KALRN: variants seen among roughly 807,000 people sequenced by gnomAD.
KALRN encodes the protein kalirin.
A neutral mutation model predicts 353.7 loss-of-function variants in KALRN; 70 were observed. That is an observed-to-expected ratio of 0.20 (90% CI 0.16 to 0.24). The LOEUF is 0.24. KALRN is among the 10% of genes least tolerant of loss of function. The pLI is 1.00. For missense variants in KALRN, 2,791 were observed against 3,756.7 expected (o/e 0.74, Z 6.72); for synonymous variants, 1,391 against 1,434.8 (o/e 0.97, Z 0.69).
intron 36 of KALRN, 124 bp from the exon 37 acceptor site, chr3:124,637,084 C>T (rs1440698062): frequency 1.7e-5 from 13 of 760,374 alleles, no homozygotes; most frequent in South Asian, 3.1e-5. Flanking sequence ...TCACCTCTTC[C>T]GTCTAAACAC....
Position 124,674,415 on chromosome 3 carries a change from T to A in KALRN, c.6994T>A (p.Tyr2332Asn). 1 of 1,613,974 alleles carries A rather than the reference T, an allele frequency of 6.2e-7. No individual in the cohort carries two copies. Among genetic ancestry groups the A allele is most frequent in the South Asian group, 1.1e-5 (1 of 91,036 alleles). ...CTCGTCCATGGCCGTGATCAAAGAT[T>A]ACTATGCACTGAAGGAGAATGAAAT... ...GTSSMAVIKD[Y>N]YALKENEICV... The change falls in exon 49 of 60, where the codon TAC becomes AAC. Residue 2332 changes from tyrosine (Y) to asparagine (N), a missense_variant. Tyr to Asn is a moderately radical substitution (Grantham distance 143). Coordinates refer to ENST00000682506, the MANE Select transcript of KALRN (RefSeq NM_001388419.1).
intron 3 of KALRN, among the ~76,000 whole-genome samples, chr3:124,254,662 G>T (rs2071669380): frequency 6.6e-6 from 1 of 152,162 alleles, no homozygotes; most frequent in Non-Finnish European, 1.5e-5. Flanking sequence ...TGTTCGGTAA[G>T]TTAGCTTTTA....
Position 124,633,930 on chromosome 3 carries a change from A to G in KALRN, c.5545A>G (p.Asn1849Asp). ...CCCACCACCTATGAAGATTTTTGACAACGACCCTACACAGGATGAAATGGT... is the reference window on the plus strand; with the variant it reads ...CCCACCACCTATGAAGATTTTTGACGACGACCCTACACAGGATGAAATGGT... ...PLPPPMKIFD[N>D]DPTQDEMSSS... Residue 1849 changes from asparagine to aspartate, a missense_variant, in exon 36 of 60, where the codon AAC becomes GAC. Physicochemically the swap from Asn to Asp is conservative, Grantham distance 23. Coordinates refer to ENST00000682506, the MANE Select transcript of KALRN (RefSeq NM_001388419.1). 1 of 1,613,984 alleles carries G rather than the reference A, an allele frequency of 6.2e-7. No homozygotes were observed. The highest frequency in any genetic ancestry group is 8.5e-7 in the Non-Finnish European group (1 of 1,179,918).
At chr3:124,463,198 C>T (rs148936335) in intron 25 of KALRN, among the ~76,000 whole-genome samples, 2 of 152,352 alleles carry the variant, frequency 1.3e-5, no homozygotes, top group African/African-American at 2.4e-5. Context: ...TACAAAACAG[C>T]ATGTTCCATG....
chr3:124,645,358 T>G (rs545111501), intron 37 of KALRN, among the ~76,000 whole-genome samples: 58 of 152,318 alleles, frequency 3.8e-4, no homozygotes, highest in African/African-American at 1.3e-3. Context: ...AATTTTGGCT[T>G]TTGTTGCCAT....
intron 10 of KALRN, among the ~76,000 whole-genome samples, chr3:124,380,770 C>T (rs900065127): frequency 6.6e-6 from 1 of 152,134 alleles, no homozygotes; most frequent in Non-Finnish European, 1.5e-5. Flanking sequence ...TTTGGTAATA[C>T]TTTAGTTGAT....
intron 1 of KALRN, chr3:124,082,243 T>C (rs1352778473): frequency 6.4e-6 from 3 of 470,750 alleles, no homozygotes; most frequent in Non-Finnish European, 1.3e-5. Context: ...TTGTGTTTCC[T>C]CATTTTTAGG....
chr3:124,301,684 C>T (rs2149236763), intron 6 of KALRN, among the ~76,000 whole-genome samples: 1 of 152,240 alleles, frequency 6.6e-6, no homozygotes, highest in African/African-American at 2.4e-5. Context: ...TTTCTCTGGC[C>T]TGGGTGATGG....
intron 33 of KALRN, among the ~76,000 whole-genome samples, chr3:124,531,374 C>T (rs1302268910): frequency 6.6e-6 from 1 of 152,184 alleles, no homozygotes; most frequent in Non-Finnish European, 1.5e-5. Flanking sequence ...CTCTACTCAA[C>T]AGATTTGTAT....
chr3:124,064,306 T>C (rs922317736), intron 1 of KALRN, among the ~76,000 whole-genome samples: 1 of 151,230 alleles, frequency 6.6e-6, no homozygotes, highest in Non-Finnish European at 1.5e-5. Context: ...GCTGAGAGAC[T>C]GAAAAAAAAA....
chr3:124,174,303 G>A (rs564796017), intron 1 of KALRN, among the ~76,000 whole-genome samples: 11 of 152,154 alleles, frequency 7.2e-5, no homozygotes, highest in South Asian at 6.3e-4. Flanking sequence ...CCCTGGTGGT[G>A]TGTGCCTGTA....
At chr3:124,518,899 C>T (rs774196419) in intron 33 of KALRN, 1 of 1,012,574 alleles carries the variant, frequency 9.9e-7, no homozygotes, top group Non-Finnish European at 1.2e-6. Flanking sequence ...TTTCTATTAT[C>T]AGTGGCCCCT....
At chr3:124,519,566 C>T in intron 33 of KALRN, 1 of 985,212 alleles carries the variant, frequency 1.0e-6, no homozygotes, top group Non-Finnish European at 1.2e-6. Context: ...TGGGGGAGGG[C>T]AGGGTAAAGG....
chr3:124,460,399 A>G (rs1477838135), intron 23 of KALRN, among the ~76,000 whole-genome samples: 4 of 152,324 alleles, frequency 2.6e-5, no homozygotes, highest in Middle Eastern at 3.4e-3. Flanking sequence ...GCAGAGGTAA[A>G]TTGTGAGGAA....
chr3:124,447,810 A>G (rs778856691), intron 21 of KALRN, among the ~76,000 whole-genome samples: 1 of 152,258 alleles, frequency 6.6e-6, no homozygotes, highest in Non-Finnish European at 1.5e-5. Flanking sequence ...ATCTTTTCCT[A>G]TGAACTCTCA....
At chr3:124,652,299 G>C (rs2083500169) in intron 38 of KALRN, among the ~76,000 whole-genome samples, 1 of 152,230 alleles carries the variant, frequency 6.6e-6, no homozygotes, top group Non-Finnish European at 1.5e-5. Flanking sequence ...TGAACAAGTA[G>C]CATGTAAATC....
chr3:124,146,919 G>C (rs536686296), intron 1 of KALRN, among the ~76,000 whole-genome samples: 9 of 147,868 alleles, frequency 6.1e-5, no homozygotes, highest in African/African-American at 2.0e-4. Context: ...AGAGGTGGGG[G>C]TTAGTAAATC....
At chr3:124,342,001 C>G (rs1041127428) in intron 9 of KALRN, among the ~76,000 whole-genome samples, 1 of 148,330 alleles carries the variant, frequency 6.7e-6, no homozygotes, top group Non-Finnish European at 1.5e-5. Flanking sequence ...GGGGGTGAGG[C>G]AGGAACTCAC....
intron 3 of KALRN, among the ~76,000 whole-genome samples, chr3:124,250,381 G>A (rs1424875179): frequency 6.6e-6 from 1 of 152,190 alleles, no homozygotes; most frequent in African/African-American, 2.4e-5. Flanking sequence ...TGATGGCATG[G>A]TAGTAGGCCA....
Sources: gnomAD v4.1 joint callset for allele counts (sites outside exome capture counted in the v4.1 genomes callset) on GRCh38, gnomAD v4.1.1 for gene constraint, MANE v1.5 for transcripts, NCBI Gene and HGNC (gene_info 2026-07-23, HGNC 2026-07-21) for gene names.